The following DLG2 variants were observed in gnomAD, a reference collection of about 807,000 sequenced individuals.
DLG2 encodes the protein discs large MAGUK scaffold protein 2, also known as disks large homolog 2.
In DLG2, 45 loss-of-function variants were observed where a neutral mutation model predicts 132.5. The observed-to-expected ratio is 0.34, with a 90% CI of 0.27 to 0.44. DLG2 has a LOEUF of 0.44. DLG2 is among the 20% of genes least tolerant of loss of function. DLG2 has a pLI of 1.00. For missense variants in DLG2, 1,045 were observed against 1,196.9 expected, an observed-to-expected ratio of 0.87 and a Z score of 1.87; for synonymous variants, 424 against 419.6, an observed-to-expected ratio of 1.01 and a Z score of -0.13.
intron 6 of DLG2, among the ~76,000 whole-genome samples, chr11:84,605,666 G>A (rs2099584307): frequency 6.6e-6 from 1 of 150,636 alleles, no homozygotes; most frequent in South Asian, 2.1e-4. Context: ...GTAATACCAT[G>A]TAATCCTCTG....
intron 6 of DLG2, among the ~76,000 whole-genome samples, chr11:84,854,968 T>C (rs2082600623): frequency 6.6e-6 from 1 of 152,032 alleles, no homozygotes; most frequent in Non-Finnish European, 1.5e-5. Flanking sequence ...TCTCTAAGTA[T>C]CTACCTAGCA....
rs576876061 is a variant in DLG2, at chr11:84,106,919, A to G, written c.625-7872T>C. ...CTTTAGGGGGTGTGTGTGTGAGAGA[A>G]GTGTGTGTGTGTGAGTGTGTGTGTG... is the stretch of plus-strand genomic sequence containing the variant. On this transcript the variant is annotated intron_variant, in intron 9 of 27. Transcript: ENST00000376104. Among the ~76,000 whole-genome samples the G allele has an allele frequency of 3.7e-3, 244 of 65,196 alleles. 2 individuals are homozygous for G. Among genetic ancestry groups the G allele is most frequent in the African/African-American group, 0.013 (226 of 16,998 alleles). 42.8% of individuals were successfully genotyped at this position (65,196 alleles called of 152,430 possible).
chr11:84,417,309 A>G (rs143959611), intron 7 of DLG2, among the ~76,000 whole-genome samples: 1 of 152,354 alleles, frequency 6.6e-6, no homozygotes, highest in African/African-American at 2.4e-5. Flanking sequence ...CAGTGATAAT[A>G]GTATCTGTCC....
At chr11:83,980,752 T>C (rs769029761) in intron 11 of DLG2, 110 bp from the exon 12 acceptor site, 12 of 1,054,564 alleles carry the variant, frequency 1.1e-5, no homozygotes, top group South Asian at 2.0e-5. Flanking sequence ...CCTCAACTTA[T>C]TGTAACAGCA....
intron 6 of DLG2, among the ~76,000 whole-genome samples, chr11:85,053,425 G>GATA (rs1318622699): frequency 6.6e-6 from 1 of 152,028 alleles, no homozygotes; most frequent in Non-Finnish European, 1.5e-5. Flanking sequence ...GTGAGGTGAA[G>GATA]ATACAGGTTA....
At chr11:84,763,586 A>AT (rs1325929911) in intron 6 of DLG2, among the ~76,000 whole-genome samples, 1 of 151,898 alleles carries the variant, frequency 6.6e-6, no homozygotes, top group East Asian at 1.9e-4. Context: ...ACAGTTTCTC[A>AT]TTTTTTCTAT....
chr11:83,587,969 C>G (rs918490865), intron 19 of DLG2, among the ~76,000 whole-genome samples: 1 of 152,202 alleles, frequency 6.6e-6, no homozygotes, highest in Admixed American at 6.5e-5. Flanking sequence ...GATTATATCC[C>G]GCACCTGGCT....
At chr11:84,028,045 T>A (rs2095587211) in intron 11 of DLG2, among the ~76,000 whole-genome samples, 1 of 149,770 alleles carries the variant, frequency 6.7e-6, no homozygotes, top group African/African-American at 2.5e-5. Context: ...TGTTTACTTG[T>A]CCAGATTAAA....
intron 27 of DLG2, among the ~76,000 whole-genome samples, chr11:83,461,077 C>T (rs1160334011): frequency 3.5e-5 from 5 of 142,838 alleles, no homozygotes; most frequent in Non-Finnish European, 4.5e-5. Flanking sequence ...AGCACGATCT[C>T]GGCTCACTGC....
intron 3 of DLG2, among the ~76,000 whole-genome samples, chr11:85,591,896 C>A (rs187964946): frequency 1.4e-4 from 22 of 152,306 alleles, no homozygotes; most frequent in African/African-American, 5.1e-4. Context: ...GCAAAGTGTT[C>A]AATAAATATC....
intron 18 of DLG2, among the ~76,000 whole-genome samples, chr11:83,699,736 AT>A (rs1297832592): frequency 1.2e-4 from 9 of 72,242 alleles, no homozygotes; most frequent in South Asian, 4.6e-4. Flanking sequence ...TAATTTAAAA[AT>A]AATAATAATA....
intron 7 of DLG2, among the ~76,000 whole-genome samples, chr11:84,396,834 C>T (rs1453775735): frequency 6.6e-6 from 1 of 152,194 alleles, no homozygotes; most frequent in Admixed American, 6.5e-5. Flanking sequence ...TTGATTCCCA[C>T]AACCAGAGAT....
chr11:84,726,617 G>C (rs529099540), intron 6 of DLG2, among the ~76,000 whole-genome samples: 110 of 152,164 alleles, frequency 7.2e-4, no homozygotes, highest in Middle Eastern at 6.8e-3. Flanking sequence ...ATAATCCTTT[G>C]GGTATACACC....
At chr11:83,922,410 C>A (rs1160303642) in intron 15 of DLG2, among the ~76,000 whole-genome samples, 2 of 151,982 alleles carry the variant, frequency 1.3e-5, no homozygotes, top group Non-Finnish European at 2.9e-5. Flanking sequence ...GGAGTGACAG[C>A]GTTTGAAAAA....
At chr11:84,039,297 C>A (rs2095981216) in intron 11 of DLG2, among the ~76,000 whole-genome samples, 1 of 150,100 alleles carries the variant, frequency 6.7e-6, no homozygotes, top group Non-Finnish European at 1.5e-5. Context: ...TATACATGTG[C>A]CATGTTGGTG....
chr11:84,244,664 A>G (rs1483238124), intron 8 of DLG2, among the ~76,000 whole-genome samples: 2 of 152,232 alleles, frequency 1.3e-5, no homozygotes, highest in Admixed American at 1.3e-4. Flanking sequence ...CCTGGTAAGT[A>G]AGGATTTTAA....
intron 6 of DLG2, among the ~76,000 whole-genome samples, chr11:84,985,704 G>A (rs567615185): frequency 2.6e-5 from 4 of 152,142 alleles, no homozygotes; most frequent in African/African-American, 9.6e-5. Context: ...TCTTTGAAAA[G>A]ATAAATAGGC....
chr11:85,019,576 C>T (rs2059858866), intron 6 of DLG2, among the ~76,000 whole-genome samples: 2 of 151,980 alleles, frequency 1.3e-5, no homozygotes, highest in Non-Finnish European at 2.9e-5. Context: ...CCCACTAACT[C>T]GTCATTTACA....
At chr11:84,770,569 T>C (rs1204927273) in intron 6 of DLG2, among the ~76,000 whole-genome samples, 8 of 152,156 alleles carry the variant, frequency 5.3e-5, no homozygotes, top group Non-Finnish European at 1.2e-4. Flanking sequence ...TTTGGTTTTC[T>C]ATTCCTGCAT....
Sources: gnomAD v4.1 joint callset for allele counts (sites outside exome capture counted in the v4.1 genomes callset) on GRCh38, gnomAD v4.1.1 for gene constraint, MANE v1.5 for transcripts, NCBI Gene and HGNC (gene_info 2026-07-23, HGNC 2026-07-21) for gene names.